The following CRACD variants were observed in gnomAD, a reference collection of about 807,000 sequenced individuals.
CRACD encodes capping protein-inhibiting regulator of actin dynamics.
Under a neutral mutation model 106.8 loss-of-function variants are expected in CRACD, and 56 were observed. The observed-to-expected ratio is 0.52, with a 90% confidence interval of 0.42 to 0.66. CRACD has a LOEUF of 0.66. Ranked by LOEUF, CRACD falls within the 30% of genes least tolerant of loss-of-function variation. The probability of loss-of-function intolerance (pLI) is 0.00; values close to 1 mark genes in which losing one functional copy is unlikely to be tolerated. For synonymous variants in CRACD, 754 were observed against 670.8 expected (o/e 1.12, Z -1.92); for missense variants, 1,730 against 1,623.2 (o/e 1.07, Z -1.13).
chr4:56,259,898 C>T (rs1381905735), intron 2 of CRACD, among the ~76,000 whole-genome samples: 1 of 152,158 alleles, frequency 6.6e-6, no homozygotes, highest in African/African-American at 2.4e-5. Context: ...CCTTTTAGCA[C>T]TCCTAAGTCC....
intron 2 of CRACD, among the ~76,000 whole-genome samples, chr4:56,180,699 A>G (rs1287741360): frequency 6.6e-6 from 1 of 152,120 alleles, no homozygotes; most frequent in Non-Finnish European, 1.5e-5. Context: ...AAAACTACTC[A>G]TTAGTTGTCT....
chr4:56,159,588 C>G (rs1735879504), intron 1 of CRACD, among the ~76,000 whole-genome samples: 1 of 151,954 alleles, frequency 6.6e-6, no homozygotes, highest in Admixed American at 6.6e-5. Context: ...GGAGATGGAG[C>G]TTGCAGTGAG....
intron 2 of CRACD, among the ~76,000 whole-genome samples, chr4:56,264,496 G>T (rs941543546): frequency 6.6e-6 from 1 of 152,174 alleles, no homozygotes; most frequent in African/African-American, 2.4e-5. Flanking sequence ...TCCAGGACCT[G>T]GTATTCCCTG....
intron 2 of CRACD, among the ~76,000 whole-genome samples, chr4:56,217,520 G>T (rs1262558908): frequency 1.3e-5 from 2 of 152,138 alleles, no homozygotes; most frequent in Non-Finnish European, 2.9e-5. Context: ...TAAAGACCTG[G>T]AATCAATAGA....
At chr4:56,211,983 A>G (rs978767210) in intron 2 of CRACD, among the ~76,000 whole-genome samples, 4 of 152,112 alleles carry the variant, frequency 2.6e-5, no homozygotes, top group Non-Finnish European at 5.9e-5. Context: ...TCCTGCCACT[A>G]TCAAGACCTG....
At chr4:56,083,061 ACT>A (rs1398350661) in intron 1 of CRACD, among the ~76,000 whole-genome samples, 1 of 152,142 alleles carries the variant, frequency 6.6e-6, no homozygotes, top group Non-Finnish European at 1.5e-5. Flanking sequence ...CAGACTCTTC[ACT>A]CTCTTCCATT....
intron 1 of CRACD, among the ~76,000 whole-genome samples, chr4:56,137,332 C>T (rs992145215): frequency 3.9e-5 from 6 of 152,000 alleles, no homozygotes; most frequent in Admixed American, 2.0e-4. Flanking sequence ...GGACCACCAT[C>T]GTATATGCAG....
intron 2 of CRACD, among the ~76,000 whole-genome samples, chr4:56,213,628 TA>T (rs911580482): frequency 1.4e-4 from 22 of 152,254 alleles, no homozygotes; most frequent in African/African-American, 5.3e-4. Flanking sequence ...GTGACATTAG[TA>T]AATGGAAATG....
chr4:56,130,772 A>G (rs1346491689), intron 1 of CRACD, among the ~76,000 whole-genome samples: 1 of 151,638 alleles, frequency 6.6e-6, no homozygotes, highest in Non-Finnish European at 1.5e-5. Flanking sequence ...CCTTATTTAC[A>G]TTTTCCTTCT....
At chr4:56,261,043 G>C (rs748270348) in intron 2 of CRACD, among the ~76,000 whole-genome samples, 4 of 152,282 alleles carry the variant, frequency 2.6e-5, no homozygotes, top group Non-Finnish European at 5.9e-5. Context: ...TGATCCTACA[G>C]GTGTTGGGTG....
intron 3 of CRACD, among the ~76,000 whole-genome samples, chr4:56,275,256 G>A (rs998648306): frequency 7.9e-5 from 12 of 152,174 alleles, no homozygotes; most frequent in East Asian, 1.9e-4. Flanking sequence ...AAACCTTCAC[G>A]TGTACCCCTG....
At chr4:56,157,602 C>T (rs936067182) in intron 1 of CRACD, among the ~76,000 whole-genome samples, 1 of 152,132 alleles carries the variant, frequency 6.6e-6, no homozygotes, top group Non-Finnish European at 1.5e-5. Context: ...GAATCACCTT[C>T]ATGGAGTCGG....
intron 4 of CRACD, among the ~76,000 whole-genome samples, chr4:56,304,920 TAAAG>T (rs1744594189): frequency 6.6e-6 from 1 of 152,142 alleles, no homozygotes; most frequent in Non-Finnish European, 1.5e-5. Context: ...GGAAATTCAT[TAAAG>T]AATTATCCTT....
At chr4:56,072,441 A>G (rs1039471282) in intron 1 of CRACD, among the ~76,000 whole-genome samples, 7 of 152,146 alleles carry the variant, frequency 4.6e-5, no homozygotes, top group African/African-American at 9.7e-5. Flanking sequence ...TCCATCATGT[A>G]TCTTCTACTT....
chr4:56,126,859 A>G (rs114325156), intron 1 of CRACD, among the ~76,000 whole-genome samples: 5,243 of 152,318 alleles, frequency 0.034, 143 homozygotes, highest in South Asian at 0.067. Context: ...TAGCAGAAAC[A>G]AGACTAGCAT....
intron 3 of CRACD, among the ~76,000 whole-genome samples, chr4:56,294,379 A>G (rs1160600009): frequency 6.6e-6 from 1 of 152,226 alleles, no homozygotes; most frequent in Non-Finnish European, 1.5e-5. Context: ...ACCATTTACA[A>G]TAAATTCAGA....
chr4:56,187,952 TTAAG>T (rs1737155642), intron 2 of CRACD, among the ~76,000 whole-genome samples: 1 of 152,150 alleles, frequency 6.6e-6, no homozygotes, highest in African/African-American at 2.4e-5. Context: ...TGCACACAGA[TTAAG>T]TGTTAAGCTT....
intron 1 of CRACD, among the ~76,000 whole-genome samples, chr4:56,096,438 CG>C (rs1296567185): frequency 3.3e-5 from 5 of 150,666 alleles, no homozygotes; most frequent in African/African-American, 1.2e-4. Flanking sequence ...ATGGGTTGGG[CG>C]TGGTGTCTCA....
intron 2 of CRACD, among the ~76,000 whole-genome samples, chr4:56,272,041 G>A (rs1219933309): frequency 1.3e-5 from 2 of 152,186 alleles, no homozygotes; most frequent in Admixed American, 6.5e-5. Flanking sequence ...ACCATGCCCT[G>A]GCCACTTGGA....
Sources: gnomAD v4.1 joint callset for allele counts (sites outside exome capture counted in the v4.1 genomes callset) on GRCh38, gnomAD v4.1.1 for gene constraint, MANE v1.5 for transcripts, NCBI Gene and HGNC (gene_info 2026-07-23, HGNC 2026-07-21) for gene names.